NELL2: variants seen among roughly 807,000 people sequenced by gnomAD.
NELL2 encodes the protein neural EGFL like 2.
In NELL2, 41 loss-of-function variants were observed where a neutral mutation model predicts 109.6. The observed-to-expected ratio is 0.37, with a 90% CI of 0.29 to 0.49. The LOEUF (loss-of-function observed/expected upper bound fraction) is 0.49. Among genes scored for constraint, NELL2 ranks in the 20% least tolerant of loss-of-function variants. The probability of loss-of-function intolerance (pLI) is 0.98; values close to 1 mark genes in which losing one functional copy is unlikely to be tolerated. For missense variants in NELL2, 900 were observed against 1,008.3 expected (o/e 0.89, Z 1.45); for synonymous variants, 355 against 344.7 (o/e 1.03, Z -0.33).
chr12:44,892,265 C>G (rs1336158783), intron 1 of NELL2, among the ~76,000 whole-genome samples: 1 of 152,176 alleles, frequency 6.6e-6, no homozygotes, highest in Non-Finnish European at 1.5e-5. Context: ...GAGTGACAGA[C>G]AGCATCCCAG....
At chr12:44,867,121 C>A (rs1481662638) in intron 2 of NELL2, among the ~76,000 whole-genome samples, 1 of 152,116 alleles carries the variant, frequency 6.6e-6, no homozygotes, top group Non-Finnish European at 1.5e-5. Flanking sequence ...GGAATAAATT[C>A]CAAATTTATC....
At chr12:44,788,443 A>G (rs11182674) in intron 3 of NELL2, among the ~76,000 whole-genome samples, 35,934 of 152,022 alleles carry the variant, frequency 0.24, 4,524 homozygotes, top group South Asian at 0.3. Context: ...AAACTTACCT[A>G]GAGCTGAGTC....
At chr12:44,634,564 G>A (rs1257564652) in intron 13 of NELL2, among the ~76,000 whole-genome samples, 1 of 152,024 alleles carries the variant, frequency 6.6e-6, no homozygotes, top group African/African-American at 2.4e-5. Flanking sequence ...TCTTTATCCA[G>A]TCTATCATTG....
intron 1 of NELL2, among the ~76,000 whole-genome samples, chr12:44,893,977 G>T (rs1392679513): frequency 2.0e-5 from 3 of 152,012 alleles, no homozygotes; most frequent in Non-Finnish European, 4.4e-5. Context: ...AAACGAAAAA[G>T]ACATACAAAC....
intron 1 of NELL2, among the ~76,000 whole-genome samples, chr12:44,906,549 C>T (rs1417590024): frequency 6.6e-6 from 1 of 151,978 alleles, no homozygotes; most frequent in East Asian, 1.9e-4. Flanking sequence ...TGGTGAGATT[C>T]TGGACTTACA....
intron 19 of NELL2, among the ~76,000 whole-genome samples, chr12:44,517,877 A>G (rs1941345820): frequency 6.6e-6 from 1 of 152,158 alleles, no homozygotes; most frequent in East Asian, 1.9e-4. Flanking sequence ...CTCAGAGGGG[A>G]GTAGAATGGA....
chr12:44,550,307 T>C (rs540216883), intron 15 of NELL2, among the ~76,000 whole-genome samples: 12 of 151,872 alleles, frequency 7.9e-5, no homozygotes, highest in African/African-American at 2.9e-4. Flanking sequence ...TATATCCAAA[T>C]AACTTGAAAT....
At chr12:44,784,648 C>T (rs1003710266) in intron 3 of NELL2, among the ~76,000 whole-genome samples, 2 of 152,080 alleles carry the variant, frequency 1.3e-5, no homozygotes, top group African/African-American at 4.8e-5. Context: ...ACTGACAAAC[C>T]AAATCCAGCA....
chr12:44,875,025 T>A, intron 2 of NELL2, 200 bp downstream of exon 2: 1 of 623,640 alleles, frequency 1.6e-6, no homozygotes, highest in Non-Finnish European at 2.7e-6. Context: ...GAGTACAAAG[T>A]ACGAAGGAGA....
chr12:44,587,284 A>AAAAAAAAAAAATATATATAT, intron 15 of NELL2, among the ~76,000 whole-genome samples: 37 of 72,170 alleles, frequency 5.1e-4, no homozygotes, highest in Non-Finnish European at 6.2e-4. Context: ...AAAAAAAAAA[A>AAAAAAAAAAAATATATATAT]ATATATATAT....
At chr12:44,602,226 T>C (rs1945247130) in intron 15 of NELL2, among the ~76,000 whole-genome samples, 3 of 152,124 alleles carry the variant, frequency 2.0e-5, no homozygotes, top group African/African-American at 4.8e-5. Flanking sequence ...CTGGAGACAG[T>C]TTCAAGATCA....
At chr12:44,883,126 G>A (rs1470614144) in intron 1 of NELL2, among the ~76,000 whole-genome samples, 1 of 151,358 alleles carries the variant, frequency 6.6e-6, no homozygotes, top group Admixed American at 6.6e-5. Context: ...TAGGATTATG[G>A]GTGTGAGCCA....
At chr12:44,739,219 G>C (rs1194324755) in intron 9 of NELL2, among the ~76,000 whole-genome samples, 2 of 152,128 alleles carry the variant, frequency 1.3e-5, no homozygotes, top group African/African-American at 4.8e-5. Context: ...TCGTGTGTGT[G>C]TATGTATGTA....
intron 3 of NELL2, among the ~76,000 whole-genome samples, chr12:44,793,583 C>T (rs919818109): frequency 6.6e-6 from 1 of 152,146 alleles, no homozygotes; most frequent in Non-Finnish European, 1.5e-5. Flanking sequence ...GGTGATACAA[C>T]ACCCTACAAA....
At chr12:44,876,353 T>C, upstream of NELL2, 4 of 1,143,352 alleles carry the variant, frequency 3.5e-6, no homozygotes, top group Non-Finnish European at 3.3e-6. Flanking sequence ...AGACTGCTCC[T>C]CCGGGGAGGG....
intron 14 of NELL2, among the ~76,000 whole-genome samples, chr12:44,610,038 G>A (rs149081117): frequency 4.0e-5 from 6 of 151,888 alleles, no homozygotes; most frequent in African/African-American, 1.2e-4. Flanking sequence ...GTACAGTGGG[G>A]GAAAAGGCGA....
chr12:44,769,700 G>A (rs893234585), intron 9 of NELL2, among the ~76,000 whole-genome samples: 8 of 151,938 alleles, frequency 5.3e-5, no homozygotes, highest in Admixed American at 2.0e-4. Flanking sequence ...AGCCCAAATC[G>A]GCAAACTACC....
intron 2 of NELL2, among the ~76,000 whole-genome samples, chr12:44,827,203 T>C (rs1943739385): frequency 1.3e-5 from 2 of 152,140 alleles, no homozygotes; most frequent in Non-Finnish European, 2.9e-5. Flanking sequence ...ATGAGTTACA[T>C]GAGATATTTT....
chr12:44,594,107 C>T lies in NELL2; in HGVS notation c.1663+13062G>A, dbSNP rs374898981. Among the ~76,000 whole-genome samples, 30 of 149,108 alleles carry T rather than the reference C, an allele frequency of 2.0e-4. No individual in the cohort carries two copies. In the South Asian group the frequency reaches 6.4e-3, roughly 32 times the overall value. On this transcript the variant is annotated intron_variant, in intron 15 of 19. Coordinates refer to ENST00000429094, the MANE Select transcript of NELL2 (RefSeq NM_001145108.2). ...GTCGAACAATAAGAATGCATGGACA[C>T]AGGGAGGGGAACATCACACACCGGG...
Sources: gnomAD v4.1 joint callset for allele counts (sites outside exome capture counted in the v4.1 genomes callset) on GRCh38, gnomAD v4.1.1 for gene constraint, MANE v1.5 for transcripts, NCBI Gene and HGNC (gene_info 2026-07-23, HGNC 2026-07-21) for gene names.